The following LRRC53 variants were observed in gnomAD, a reference collection of about 807,000 sequenced individuals.
The protein encoded by LRRC53 is leucine rich repeat containing 53.
Under a neutral mutation model 13.6 loss-of-function variants are expected in LRRC53, and 25 were observed. The ratio of observed to expected loss-of-function variants is 1.83; its 90% CI spans 1.34 to 2.56. The LOEUF (loss-of-function observed/expected upper bound fraction) is 2.56. Among genes scored for constraint, LRRC53 ranks in the 30% most tolerant of loss-of-function variants. The probability of loss-of-function intolerance (pLI) is 0.00; values close to 1 mark genes in which losing one functional copy is unlikely to be tolerated. For synonymous variants in LRRC53, 204 were observed against 109.8 expected (o/e 1.86, Z -5.37); for missense variants, 527 against 275.8 (o/e 1.91, Z -6.45).
In LRRC53 at chr1:74,469,681, C is replaced by A; in HGVS notation, c.*197G>T. On this transcript the variant is annotated 3_prime_UTR_variant, in exon 5 of 5. Transcript: ENST00000294635. ...AGCATACTCAGTTAATTGTGTCAGA[C>A]GTATCCTATGACTCCATCTTTGATT... 1 of 377,776 alleles carries A rather than the reference C, an allele frequency of 2.6e-6. No homozygotes were observed. Among genetic ancestry groups the A allele is most frequent in the Non-Finnish European group, 4.7e-6 (1 of 213,192 alleles). The allele number at this position is 377,776 out of a possible 1,614,324, so 23.4% of individuals were successfully genotyped here.
rs1669109783 is a variant in LRRC53 at position 74,492,125 on chromosome 1, G to A, written c.-26-8750C>T. The A allele has an allele frequency of 3.1e-6, 5 of 1,610,922 alleles. No homozygotes were observed. Among genetic ancestry groups the A allele is most frequent in the Non-Finnish European group, 4.2e-6 (5 of 1,177,670 alleles). ...ATGTCTCCTGCATCAAGTAACAGCA[G>A]TGGGTCTCTCTCACCTTCTTCTTCT... On this transcript the variant is annotated intron_variant, in intron 1 of 4. Transcript: ENST00000294635.
At chr1:74,506,724 C>G (rs1397047185) in intron 1 of LRRC53, among the ~76,000 whole-genome samples, 1 of 152,160 alleles carries the variant, frequency 6.6e-6, no homozygotes, top group Non-Finnish European at 1.5e-5. Context: ...ATACAGTAAC[C>G]AATCTCTGGG....
chr1:74,481,034 A>C (rs1668476360), intron 2 of LRRC53, 66 bp from the exon 3 acceptor site: 2 of 635,864 alleles, frequency 3.1e-6, no homozygotes, highest in Admixed American at 2.5e-5. Flanking sequence ...GGTATGGTGG[A>C]GAGCAGAGAA....
At chr1:74,491,142 G>A (rs780224140) in intron 1 of LRRC53, among the ~76,000 whole-genome samples, 3 of 152,304 alleles carry the variant, frequency 2.0e-5, no homozygotes, top group South Asian at 2.1e-4. Context: ...TGAAAATCAC[G>A]TAACATGAAA....
chr1:74,483,984 GA>G (rs1456683405), intron 1 of LRRC53, among the ~76,000 whole-genome samples: 3 of 151,886 alleles, frequency 2.0e-5, no homozygotes, highest in Non-Finnish European at 2.9e-5. Flanking sequence ...TATTATCTTA[GA>G]AAAAAATATT....
chr1:74,532,797 A>G, the LRRC53 span, among the ~76,000 whole-genome samples: 1 of 152,090 alleles, frequency 6.6e-6, no homozygotes, highest in Non-Finnish European at 1.5e-5. Context: ...CAAACCTGAG[A>G]AAAACAAGCA....
chr1:74,483,609 T>C (rs767932787), intron 1 of LRRC53, among the ~76,000 whole-genome samples: 2 of 152,224 alleles, frequency 1.3e-5, no homozygotes, highest in Non-Finnish European at 2.9e-5. Context: ...GCATATTTAT[T>C]AGTATTTTGA....
the LRRC53 span, among the ~76,000 whole-genome samples, chr1:74,521,191 G>C: frequency 1.3e-5 from 2 of 152,174 alleles, no homozygotes; most frequent in African/African-American, 2.4e-5. Flanking sequence ...GTTATAAGGA[G>C]CATGTGCTCC....
chr1:74,533,133 AC>A, the LRRC53 span, among the ~76,000 whole-genome samples: 1 of 152,202 alleles, frequency 6.6e-6, no homozygotes, highest in Non-Finnish European at 1.5e-5. Context: ...CAGGCAACCT[AC>A]AAAATGGGAG....
At position 74,480,157 on chromosome 1, in the gene LRRC53, G is replaced by A. The variant is rs758619424; in HGVS notation, c.900C>T (p.Phe300=). The A allele has an allele frequency of 1.8e-5, 13 of 714,590 alleles. No individual in the cohort carries two copies. The East Asian group carries it at 2.4e-4, about 13-fold the overall frequency. The allele number at this position is 714,590 out of a possible 1,614,324, so 44.3% of individuals were successfully genotyped here. ...GCACACTTCTCCCCGGCATACCTGC[G>A]AAGCCAAGGACAGTCAGCAGGGCCA... is the stretch of plus-strand genomic sequence containing the variant. ...PDVALLTVLG[F]AGAVGLTCLG... is the part of the protein sequence containing the mutation. The change falls in exon 3 of 5, where the codon TTC becomes TTT. Residue 300 remains phenylalanine, a synonymous_variant. Coordinates refer to ENST00000294635, the MANE Select transcript of LRRC53 (RefSeq NM_001382280.1).
At chr1:74,522,745 G>T in the LRRC53 span, among the ~76,000 whole-genome samples, 1 of 152,088 alleles carries the variant, frequency 6.6e-6, no homozygotes, top group Non-Finnish European at 1.5e-5. Context: ...TTGATCATTT[G>T]ATTCAAATCT....
At chr1:74,519,820 A>C in the LRRC53 span, among the ~76,000 whole-genome samples, 5 of 152,130 alleles carry the variant, frequency 3.3e-5, no homozygotes, top group African/African-American at 9.7e-5. Context: ...TGTCATTCAG[A>C]GGTGAAGGGA....
chr1:74,516,970 G>T (rs556575858), upstream of LRRC53, among the ~76,000 whole-genome samples: 32 of 152,262 alleles, frequency 2.1e-4, no homozygotes, highest in African/African-American at 7.5e-4. Flanking sequence ...AATATTTACA[G>T]TCATGCTCCC....
intron 1 of LRRC53, among the ~76,000 whole-genome samples, chr1:74,485,314 G>T (rs577986327): frequency 1.2e-4 from 19 of 152,314 alleles, no homozygotes; most frequent in Admixed American, 3.9e-4. Context: ...TAAGAACAAT[G>T]CCCTGCATGG....
chr1:74,512,974 T>G (rs1268752191), upstream of LRRC53, among the ~76,000 whole-genome samples: 1 of 152,178 alleles, frequency 6.6e-6, no homozygotes, highest in Non-Finnish European at 1.5e-5. Context: ...TATAGACGAC[T>G]TTTGCCCTTT....
chr1:74,483,973 A>G (rs1668625645), intron 1 of LRRC53, among the ~76,000 whole-genome samples: 1 of 152,166 alleles, frequency 6.6e-6, no homozygotes, highest in South Asian at 2.1e-4. Context: ...TTTACTGACT[A>G]TATTATCTTA....
At chr1:74,505,117 C>G (rs943845855) in intron 1 of LRRC53, among the ~76,000 whole-genome samples, 1 of 152,136 alleles carries the variant, frequency 6.6e-6, no homozygotes, top group African/African-American at 2.4e-5. Flanking sequence ...GGGCCCGGGC[C>G]CACTCTTAAG....
At chr1:74,534,289 T>G in the LRRC53 span, among the ~76,000 whole-genome samples, 1 of 152,168 alleles carries the variant, frequency 6.6e-6, no homozygotes, top group Non-Finnish European at 1.5e-5. Context: ...TTCCCAAGTT[T>G]GCAAAAGCCA....
chr1:74,525,800 G>A, the LRRC53 span, among the ~76,000 whole-genome samples: 1 of 152,186 alleles, frequency 6.6e-6, no homozygotes. Flanking sequence ...GGCCCAGCAG[G>A]AAATGTCAAA....
Sources: gnomAD v4.1 joint callset for allele counts (sites outside exome capture counted in the v4.1 genomes callset) on GRCh38, gnomAD v4.1.1 for gene constraint, MANE v1.5 for transcripts, NCBI Gene and HGNC (gene_info 2026-07-23, HGNC 2026-07-21) for gene names.